Variants in IL5RA observed in about 807,000 individuals in gnomAD.
IL5RA encodes interleukin 5 receptor subunit alpha.
In IL5RA, 49 loss-of-function variants were observed where a neutral mutation model predicts 50.0. The ratio of observed to expected loss-of-function variants is 0.98; its 90% CI spans 0.78 to 1.24. The LOEUF is 1.24. IL5RA is among the 50% of genes most tolerant of loss of function. The pLI is 0.00. For synonymous variants in IL5RA, 202 were observed against 174.0 expected (o/e 1.16, Z -1.26); for missense variants, 600 against 500.4 (o/e 1.20, Z -1.90).
intron 11 of IL5RA, among the ~76,000 whole-genome samples, chr3:3,071,099 G>A (rs1458722949): frequency 6.6e-6 from 1 of 152,116 alleles, no homozygotes; most frequent in African/African-American, 2.4e-5. Flanking sequence ...AAATAAAATT[G>A]CCTGTAAGAG....
intron 2 of IL5RA, among the ~76,000 whole-genome samples, chr3:3,107,902 G>C (rs564670526): frequency 6.6e-6 from 1 of 152,318 alleles, no homozygotes; most frequent in South Asian, 2.1e-4. Flanking sequence ...TTCTACTGAA[G>C]TTCAGACTTA....
At chr3:3,076,225 AG>A (rs1702477898) in intron 10 of IL5RA, among the ~76,000 whole-genome samples, 1 of 152,218 alleles carries the variant, frequency 6.6e-6, no homozygotes, top group Non-Finnish European at 1.5e-5. Flanking sequence ...TGGAAGACTG[AG>A]AAGGAATCAA....
At chr3:3,078,605 G>C (rs527917713) in intron 9 of IL5RA, among the ~76,000 whole-genome samples, 1 of 152,146 alleles carries the variant, frequency 6.6e-6, no homozygotes, top group African/African-American at 2.4e-5. Flanking sequence ...AGGCTGAGGC[G>C]GGTGGATCAC....
chr3:3,107,600 A>T (rs1312310204), intron 2 of IL5RA, among the ~76,000 whole-genome samples: 1 of 151,142 alleles, frequency 6.6e-6, no homozygotes, highest in East Asian at 2.0e-4. Flanking sequence ...AATAAGATGC[A>T]AACTAAGCAG....
intron 2 of IL5RA, among the ~76,000 whole-genome samples, chr3:3,105,954 C>G (rs1703901757): frequency 6.6e-6 from 1 of 152,128 alleles, no homozygotes; most frequent in South Asian, 2.1e-4. Context: ...CTGTGTTGTC[C>G]TCACTTTTAC....
intron 10 of IL5RA, among the ~76,000 whole-genome samples, chr3:3,075,425 A>G (rs1413521882): frequency 6.6e-6 from 1 of 150,544 alleles, no homozygotes; most frequent in Non-Finnish European, 1.5e-5. Context: ...CTGGTCTCGA[A>G]CTCTTGACCT....
At chr3:3,094,998 A>T (rs759700456) in intron 8 of IL5RA, among the ~76,000 whole-genome samples, 5 of 152,192 alleles carry the variant, frequency 3.3e-5, no homozygotes, top group Non-Finnish European at 5.9e-5. Context: ...AAGTGCTAGG[A>T]TTACAGGCGT....
chr3:3,095,474 T>A (rs770968017), intron 7 of IL5RA, 30 bp from the exon 8 acceptor site: 2 of 1,589,894 alleles, frequency 1.3e-6, no homozygotes, highest in African/African-American at 2.7e-5. Context: ...ATCAGTGATT[T>A]TTTTTTTAGA....
rs545939461 is a variant in IL5RA, at chr3:3,080,818, C to T, written c.995-4191G>A. Among the ~76,000 whole-genome samples the T allele has an allele frequency of 3.4e-4, 52 of 152,252 alleles. 2 individuals carry two copies. The South Asian group carries it at 9.3e-3, about 27-fold the overall frequency. Reference sequence around the variant, plus strand: ...CAAGCAATCCTCTCGCCTTAGCCTCCGAAGTAGCTGGGACCACAGGCACGC... The same window carrying T: ...CAAGCAATCCTCTCGCCTTAGCCTCTGAAGTAGCTGGGACCACAGGCACGC... On this transcript the variant is annotated intron_variant, in intron 9 of 11. Transcript: ENST00000446632.
chr3:3,082,902 G>T (rs1211375503), intron 9 of IL5RA, among the ~76,000 whole-genome samples: 1 of 152,202 alleles, frequency 6.6e-6, no homozygotes, highest in Non-Finnish European at 1.5e-5. Flanking sequence ...CTTACATATT[G>T]ATTTTGAATC....
chr3:3,094,513 G>A (rs1195210342), intron 8 of IL5RA, among the ~76,000 whole-genome samples: 3 of 152,050 alleles, frequency 2.0e-5, no homozygotes, highest in African/African-American at 7.2e-5. Context: ...TTCATTTAAT[G>A]GGCACTTGGG....
rs552169810 is a variant in IL5RA, at chr3:3,073,809, T to C, written c.1176+973A>G. ...AATTGTCAGCTGAATCTAAGATGTA[T>C]ATGAAAATGCAGAGGACCTACAATA... On this transcript the variant is annotated intron_variant, in intron 11 of 11. Transcript: ENST00000446632. The C allele has an allele frequency of 2.5e-4, 115 of 451,528 alleles. 1 individual carries two copies. The highest frequency in any genetic ancestry group is 1.8e-3 in the South Asian group (113 of 62,592). The allele number at this position is 451,528 out of a possible 1,614,324, so 28.0% of individuals were successfully genotyped here.
At chr3:3,103,464 G>A (rs1047368509) in intron 3 of IL5RA, among the ~76,000 whole-genome samples, 4 of 152,120 alleles carry the variant, frequency 2.6e-5, no homozygotes, top group Non-Finnish European at 2.9e-5. Context: ...CATGAATCTC[G>A]TTTCCACTAC....
Position 3,085,094 on chromosome 3 carries a change from C to G in IL5RA, c.994+7130G>C, listed in dbSNP as rs374916319. ...ACAGGCGTGAGGCAGTCCGCCCCCC[C>G]TGGTGGGAACAAATGGTGGGGCTGC... On this transcript the variant is annotated intron_variant, in intron 9 of 11. Coordinates refer to ENST00000446632, the MANE Select transcript of IL5RA (RefSeq NM_175726.4). 2.4e-4 allele frequency among the ~76,000 whole-genome samples: 37 copies of G among 152,364 alleles called. 1 individual carries two copies. The South Asian group carries it at 2.5e-3, about 10-fold the overall frequency.
chr3:3,082,161 G>A (rs947876211), intron 9 of IL5RA, among the ~76,000 whole-genome samples: 1 of 152,150 alleles, frequency 6.6e-6, no homozygotes, highest in Admixed American at 6.5e-5. Context: ...ATCCCACTGA[G>A]AGTATACATT....
chr3:3,073,216 G>A (rs1249393693), intron 11 of IL5RA, among the ~76,000 whole-genome samples: 2 of 152,144 alleles, frequency 1.3e-5, no homozygotes, highest in African/African-American at 4.8e-5. Context: ...ACCACTTATT[G>A]AAATTAATCA....
chr3:3,075,384 G>A (rs1574976061), intron 10 of IL5RA, among the ~76,000 whole-genome samples: 2 of 151,346 alleles, frequency 1.3e-5, no homozygotes, highest in East Asian at 2.0e-4. Flanking sequence ...TGTATTTTTT[G>A]TAGAGACAGG....
rs1703188837 is a variant in IL5RA, at chr3:3,092,861, T to A, written c.856-499A>T. Among the ~76,000 whole-genome samples, 1 of 152,174 alleles carries A rather than the reference T, an allele frequency of 6.6e-6. No homozygotes were observed. The highest frequency in any genetic ancestry group is 1.5e-5 in the Non-Finnish European group (1 of 68,026). ...GTACCAGAGATGTGCTCCTGACACC[T>A]GTATCTTGAATACCCCCGGAGGTGT... On this transcript the variant is annotated intron_variant, in intron 8 of 11. Coordinates refer to ENST00000446632, the MANE Select transcript of IL5RA (RefSeq NM_175726.4). This position sits in a 1 kb window ranked among gnomAD's most constrained non-coding sequence, Gnocchi z 4.2.
At chr3:3,078,565 G>A (rs1436656623) in intron 9 of IL5RA, among the ~76,000 whole-genome samples, 1 of 152,174 alleles carries the variant, frequency 6.6e-6, no homozygotes, top group African/African-American at 2.4e-5. Context: ...TAGGTGCGGT[G>A]GCTCACGCCT....
Sources: allele counts gnomAD v4.1 joint callset (sites outside exome capture counted in the v4.1 genomes callset), GRCh38; gene constraint gnomAD v4.1.1; non-coding constraint Gnocchi (gnomAD v3.1); transcripts MANE v1.5; gene names NCBI Gene and HGNC (gene_info 2026-07-23, HGNC 2026-07-21).